The following MAP3K5 variants were observed in gnomAD, a reference collection of about 807,000 sequenced individuals.
MAP3K5 encodes ASK-1.
A neutral mutation model predicts 158.7 loss-of-function variants in MAP3K5; 56 were observed. The ratio of observed to expected loss-of-function variants is 0.35; its 90% CI spans 0.28 to 0.44. MAP3K5 has a LOEUF of 0.44. Among genes scored for constraint, MAP3K5 ranks in the 20% least tolerant of loss-of-function variants. The pLI, the probability that MAP3K5 is intolerant of heterozygous loss-of-function variation, is 1.00. For missense variants in MAP3K5, 1,294 were observed against 1,674.8 expected (o/e 0.77, Z 3.97); for synonymous variants, 579 against 601.7 (o/e 0.96, Z 0.55).
intron 28 of MAP3K5, 24 bp from the exon 29 acceptor site, chr6:136,558,900 C>T (rs184831114): frequency 5.0e-6 from 6 of 1,207,778 alleles, no homozygotes; most frequent in Middle Eastern, 1.9e-4. Context: ...AGAATATGCA[C>T]AAAAGATGTT....
intron 1 of MAP3K5, among the ~76,000 whole-genome samples, chr6:136,782,119 A>T (rs749359586): frequency 6.6e-6 from 1 of 151,826 alleles, no homozygotes; most frequent in Admixed American, 6.6e-5. Context: ...AAAAATAATA[A>T]ATAGGAGTAA....
Position 136,561,516 on chromosome 6 carries a change from C to T in MAP3K5, c.3987+17G>A, listed in dbSNP as rs1453663493. On this transcript the variant is annotated intron_variant, in intron 28 of 29. Transcript: ENST00000359015. The stretch of plus-strand genomic sequence containing the variant: ...ACGAAGTGAAAGAATACTTGTCCCA[C>T]AGACAGTTTTCTTTACCCGGCTTAT... The T allele has an allele frequency of 1.3e-6, 2 of 1,544,060 alleles. No individual in the cohort carries two copies. Among genetic ancestry groups the T allele is most frequent in the Non-Finnish European group, 1.8e-6 (2 of 1,116,412 alleles).
chr6:136,777,210 G>T (rs953019718), intron 1 of MAP3K5, among the ~76,000 whole-genome samples: 1 of 152,180 alleles, frequency 6.6e-6, no homozygotes, highest in African/African-American at 2.4e-5. Flanking sequence ...ACCCTGCTTT[G>T]CAATAATATA....
rs1279561400 is a variant in MAP3K5 at position 136,557,682 on chromosome 6, C to T, written c.*76G>A. ...GTGCAGCGCCTTTCTCCTCTCCCTT[C>T]GATTTTCCCACCCCCAAGAAGATCA... On this transcript the variant is annotated 3_prime_UTR_variant, in exon 30 of 30. Transcript: ENST00000359015. The T allele has an allele frequency of 4.8e-6, 5 of 1,033,524 alleles. No homozygotes were observed. Among genetic ancestry groups the T allele is most frequent in the African/African-American group, 1.6e-5 (1 of 63,270 alleles). 64.0% of individuals were successfully genotyped at this position (1,033,524 alleles called of 1,614,324 possible). A position where few individuals can be genotyped will look rare whatever the true frequency, so the allele number is the denominator to read the frequency against.
At chr6:136,669,650 C>A (rs1266763920) in intron 7 of MAP3K5, among the ~76,000 whole-genome samples, 1 of 152,134 alleles carries the variant, frequency 6.6e-6, no homozygotes, top group Non-Finnish European at 1.5e-5. Flanking sequence ...ATCCTCTCTT[C>A]AACCATCTAC....
chr6:136,745,730 A>G (rs1782925713), intron 1 of MAP3K5, among the ~76,000 whole-genome samples: 1 of 152,192 alleles, frequency 6.6e-6, no homozygotes, highest in Non-Finnish European at 1.5e-5. Context: ...CACACACAGA[A>G]GAAGGGCCCG....
intron 24 of MAP3K5, among the ~76,000 whole-genome samples, chr6:136,582,195 T>C (rs755921561): frequency 6.6e-6 from 1 of 152,056 alleles, no homozygotes; most frequent in Non-Finnish European, 1.5e-5. Context: ...GCCCATACTT[T>C]GGGTTCATTC....
intron 8 of MAP3K5, among the ~76,000 whole-genome samples, chr6:136,662,744 T>A (rs1779060436): frequency 6.6e-6 from 1 of 152,218 alleles, no homozygotes; most frequent in Admixed American, 6.5e-5. Context: ...GAAAAATTAA[T>A]AAAGCACAAT....
intron 1 of MAP3K5, among the ~76,000 whole-genome samples, chr6:136,775,355 T>A (rs1406634912): frequency 6.6e-6 from 1 of 152,198 alleles, no homozygotes; most frequent in Non-Finnish European, 1.5e-5. Flanking sequence ...GAAAAAATAA[T>A]TCTCATAGAC....
chr6:136,598,027 T>C (rs940221472), intron 21 of MAP3K5, among the ~76,000 whole-genome samples: 2 of 152,226 alleles, frequency 1.3e-5, no homozygotes, highest in Non-Finnish European at 2.9e-5. Flanking sequence ...GTCTATAATA[T>C]TATTTCAGAT....
chr6:136,755,588 A>T (rs1319088662), intron 1 of MAP3K5, among the ~76,000 whole-genome samples: 1 of 151,080 alleles, frequency 6.6e-6, no homozygotes, highest in African/African-American at 2.4e-5. Flanking sequence ...ATGGTGGCAC[A>T]CGCCTGTGGT....
chr6:136,571,617 T>C (rs1314927064), intron 25 of MAP3K5, among the ~76,000 whole-genome samples: 1 of 152,238 alleles, frequency 6.6e-6, no homozygotes, highest in East Asian at 1.9e-4. Flanking sequence ...TATTCCATTA[T>C]ATGTATACAC....
chr6:136,765,807 G>A (rs1371096530), intron 1 of MAP3K5, among the ~76,000 whole-genome samples: 5 of 151,576 alleles, frequency 3.3e-5, no homozygotes, highest in South Asian at 2.1e-4. Flanking sequence ...TGGGATTACA[G>A]GTGTGAGCCA....
At chr6:136,720,347 A>G in intron 2 of MAP3K5, 103 bp downstream of exon 2, 3 of 1,129,006 alleles carry the variant, frequency 2.7e-6, no homozygotes, top group Non-Finnish European at 2.5e-6. Context: ...CAAACATATA[A>G]AAGTCTTTCA....
Position 136,735,490 on chromosome 6 carries a change from T to C in MAP3K5, c.449-14901A>G, listed in dbSNP as rs370442743. 1.2e-4 allele frequency among the ~76,000 whole-genome samples: 19 copies of C among 152,362 alleles called. No homozygotes were observed. In the East Asian group the frequency reaches 1.9e-3, roughly 15 times the overall value. On this transcript the variant is annotated intron_variant, in intron 1 of 29. Transcript: ENST00000359015. ...ATCAAGAAATGAATTATTTTAAGTA[T>C]GATAAGGTACTGTGTTAGGAGTCCT...
At chr6:136,786,478 C>T (rs577837804) in intron 1 of MAP3K5, among the ~76,000 whole-genome samples, 8 of 151,748 alleles carry the variant, frequency 5.3e-5, no homozygotes, top group African/African-American at 1.2e-4. Context: ...TTAGCTTTTA[C>T]GGAATTTTCT....
At chr6:136,732,162 C>T (rs1252473033) in intron 1 of MAP3K5, among the ~76,000 whole-genome samples, 1 of 152,072 alleles carries the variant, frequency 6.6e-6, no homozygotes, top group Admixed American at 6.6e-5. Flanking sequence ...CAGTGGCTCA[C>T]GTCTGTAATC....
chr6:136,740,616 A>T (rs574840026), intron 1 of MAP3K5, among the ~76,000 whole-genome samples: 7 of 151,592 alleles, frequency 4.6e-5, no homozygotes, highest in African/African-American at 1.7e-4. Flanking sequence ...CTGAGACAAT[A>T]AAAAAAAAGA....
chr6:136,595,119 G>T (rs567740034), intron 21 of MAP3K5, among the ~76,000 whole-genome samples: 4 of 152,138 alleles, frequency 2.6e-5, no homozygotes, highest in African/African-American at 7.2e-5. Flanking sequence ...TCCTCGGTTT[G>T]ATTTTATTTT....
Sources: allele counts gnomAD v4.1 joint callset (sites outside exome capture counted in the v4.1 genomes callset), GRCh38; gene constraint gnomAD v4.1.1; transcripts MANE v1.5; gene names NCBI Gene and HGNC (gene_info 2026-07-23, HGNC 2026-07-21).